Variants in SLK observed in about 807,000 individuals in gnomAD.
The protein encoded by SLK is STE20 like kinase, also known as STE20-like serine/threonine-protein kinase.
Under a neutral mutation model 147.7 loss-of-function variants are expected in SLK, and 67 were observed. The observed-to-expected ratio is 0.45, with a 90% confidence interval of 0.37 to 0.56. The LOEUF (loss-of-function observed/expected upper bound fraction) is 0.56. Ranked by LOEUF, SLK falls within the 20% of genes least tolerant of loss-of-function variation. The pLI is 0.00. For synonymous variants in SLK, 441 were observed against 475.0 expected (o/e 0.93, Z 0.93); for missense variants, 1,136 against 1,438.8 (o/e 0.79, Z 3.41).
chr10:104,016,180 G>C (rs1313415126), intron 13 of SLK, among the ~76,000 whole-genome samples: 1 of 152,062 alleles, frequency 6.6e-6, no homozygotes, highest in Non-Finnish European at 1.5e-5. Context: ...TTAGCTGGGC[G>C]TGGTGGTGGG....
At position 104,018,100 on chromosome 10, in the gene SLK, G is replaced by A. The variant is rs1379330119; in HGVS notation, c.2878-60G>A. 5 of 1,378,160 alleles carry A rather than the reference G, an allele frequency of 3.6e-6. No homozygotes were observed. The Admixed American group carries it at 7.4e-5, about 20-fold the overall frequency. 85.4% of individuals were successfully genotyped at this position (1,378,160 alleles called of 1,614,324 possible). ...AACCACTAATATATACAGCCATATA[G>A]ATAAATGGATGTTTAGTTCATTAGA... On this transcript the variant is annotated intron_variant, in intron 13 of 18. Transcript: ENST00000369755.
intron 1 of SLK, among the ~76,000 whole-genome samples, chr10:103,969,407 A>G (rs1395719703): frequency 2.0e-5 from 3 of 152,246 alleles, no homozygotes; most frequent in Non-Finnish European, 4.4e-5. Flanking sequence ...CGTTGTTCAC[A>G]TGGCTATTAT....
intron 13 of SLK, among the ~76,000 whole-genome samples, chr10:104,017,711 C>T (rs966766810): frequency 3.3e-5 from 5 of 152,190 alleles, no homozygotes; most frequent in African/African-American, 1.2e-4. Flanking sequence ...AACTCCTGAC[C>T]TCAAGAGAAC....
At chr10:103,999,053 A>G (rs1420788147) in intron 5 of SLK, 66 bp from the exon 6 acceptor site, 2 of 1,544,530 alleles carry the variant, frequency 1.3e-6, no homozygotes, top group African/African-American at 2.7e-5. Context: ...CACATAATTG[A>G]TTATACCATG....
At position 104,028,891 on chromosome 10, in the gene SLK, T is replaced by G. The variant is rs1014583099; in HGVS notation, c.*3171T>G. The stretch of plus-strand genomic sequence containing the variant: ...CTAATAGTCTTTTGATTAACAATTC[T>G]TTTCTGAGAAATGATTTTTATAAGA... On this transcript the variant is annotated 3_prime_UTR_variant, in exon 19 of 19. Coordinates refer to ENST00000369755, the MANE Select transcript of SLK (RefSeq NM_014720.4). 1 of 152,238 alleles carries G rather than the reference T, an allele frequency of 6.6e-6. No individual in the cohort carries two copies. The highest frequency in any genetic ancestry group is 1.5e-5 in the Non-Finnish European group (1 of 68,042). The allele number at this position is 152,238 out of a possible 1,614,324, so 9.4% of individuals were successfully genotyped here. A position where few individuals can be genotyped will look rare whatever the true frequency, so the allele number is the denominator to read the frequency against.
intron 13 of SLK, among the ~76,000 whole-genome samples, chr10:104,011,498 A>G (rs1349745346): frequency 6.6e-6 from 1 of 152,142 alleles, no homozygotes; most frequent in Non-Finnish European, 1.5e-5. Context: ...TTACCTATAT[A>G]GAGTTTAAAG....
chr10:103,992,717 A>C, intron 3 of SLK, 71 bp downstream of exon 3: 1 of 1,352,998 alleles, frequency 7.4e-7, no homozygotes, highest in Non-Finnish European at 1.0e-6. Context: ...TTTCAACCAT[A>C]TATAAATATA....
chr10:104,018,964 A>G, intron 15 of SLK, 56 bp downstream of exon 15: 1 of 1,489,892 alleles, frequency 6.7e-7, no homozygotes, highest in East Asian at 2.3e-5. Flanking sequence ...TTGCAAAGCT[A>G]TTTAGTTTTG....
chr10:103,971,421 C>T (rs938168292), intron 1 of SLK, among the ~76,000 whole-genome samples: 5 of 152,080 alleles, frequency 3.3e-5, no homozygotes, highest in Admixed American at 6.6e-5. Flanking sequence ...ATTACAGGCA[C>T]GCACCACCGT....
Position 103,999,911 on chromosome 10 carries a change from A to G in SLK, c.827A>G (p.Asn276Ser), listed in dbSNP as rs780099608. The G allele has an allele frequency of 6.4e-6, 10 of 1,565,424 alleles. No individual in the cohort carries two copies. The highest frequency in any genetic ancestry group is 2.7e-5 in the African/African-American group (2 of 73,776). ...TTTCTAAAGAAATGCTTAGAAAAGA[A>G]TGTGGATGCCAGGTGGACTACATCT... ...KDFLKKCLEKNVDARWTTSQL... is the reference protein window; with the variant it reads ...KDFLKKCLEKSVDARWTTSQL... Residue 276 changes from asparagine to serine, a missense_variant, in exon 7 of 19, where the codon AAT becomes AGT. Coordinates refer to ENST00000369755, the MANE Select transcript of SLK (RefSeq NM_014720.4).
At chr10:103,993,279 TA>T in intron 4 of SLK, 146 bp downstream of exon 4, 1 of 481,406 alleles carries the variant, frequency 2.1e-6, no homozygotes, top group Non-Finnish European at 3.6e-6. Context: ...AACACTTTTT[TA>T]GGTAAATACT....
At chr10:103,990,546 T>C (rs1204620360) in intron 1 of SLK, 129 bp from the exon 2 acceptor site, 1 of 520,490 alleles carries the variant, frequency 1.9e-6, no homozygotes, top group African/African-American at 2.0e-5. Context: ...CTTGACACAC[T>C]ATTTTTAAAA....
intron 10 of SLK, 39 bp downstream of exon 10, chr10:104,005,730 CTTCTT>C: frequency 6.3e-7 from 1 of 1,586,576 alleles, no homozygotes; most frequent in Middle Eastern, 1.7e-4. Context: ...TGGTTTGTGA[CTTCTT>C]TTCAGTCTCT....
At chr10:103,991,745 A>G (rs1431213150) in intron 2 of SLK, among the ~76,000 whole-genome samples, 1 of 152,110 alleles carries the variant, frequency 6.6e-6, no homozygotes, top group Non-Finnish European at 1.5e-5. Flanking sequence ...GCTGAGGGAA[A>G]AAAGGCAGGA....
rs1035381336 is a variant in SLK, at chr10:104,003,321, A to G, written c.2143A>G (p.Ile715Val). ...PQPVLIPSIN[I>V]NSDSGENKEE... is the part of the protein sequence containing the mutation. ...GCCTGTTCTAATACCCAGTATTAAT[A>G]TCAACTCTGACAGTGGAGAAAATAA... Residue 715 changes from isoleucine (I) to valine (V), a missense_variant, in exon 9 of 19, where the codon ATC (isoleucine) becomes GTC (valine). By Grantham distance (29) the Ile-to-Val change is conservative. This residue lies in a region of SLK where 516 missense variants were observed against 531.3 expected (regional missense o/e 0.97). Transcript: ENST00000369755. 1 of 1,614,024 alleles carries G rather than the reference A, an allele frequency of 6.2e-7. No homozygotes were observed.
intron 4 of SLK, among the ~76,000 whole-genome samples, chr10:103,998,310 T>C (rs1844201902): frequency 6.6e-6 from 1 of 152,224 alleles, no homozygotes; most frequent in Non-Finnish European, 1.5e-5. Flanking sequence ...AGGTGAATTA[T>C]GCAGCAATAG....
chr10:104,005,075 C>A (rs376014425), intron 9 of SLK, among the ~76,000 whole-genome samples: 42 of 150,434 alleles, frequency 2.8e-4, no homozygotes, highest in East Asian at 2.7e-3. Context: ...AGAGCTTTTT[C>A]AAAAAAAAGA....
intron 18 of SLK, among the ~76,000 whole-genome samples, chr10:104,021,981 G>A (rs569590184): frequency 2.6e-5 from 4 of 152,296 alleles, no homozygotes; most frequent in South Asian, 4.1e-4. Context: ...CAGAGGAGGA[G>A]GAGAGCTTAA....
intron 8 of SLK, 89 bp downstream of exon 8, chr10:104,001,661 A>G: frequency 7.1e-7 from 1 of 1,409,024 alleles, no homozygotes; most frequent in Non-Finnish European, 9.8e-7. Flanking sequence ...GATGGGTGGC[A>G]ACGCAAAACC....
Sources: allele counts gnomAD v4.1 joint callset (sites outside exome capture counted in the v4.1 genomes callset), GRCh38; gene constraint gnomAD v4.1.1; regional missense constraint gnomAD v4.1.1; transcripts MANE v1.5; gene names NCBI Gene and HGNC (gene_info 2026-07-23, HGNC 2026-07-21).